The following DYNC2I1 variants were observed in gnomAD, a reference collection of about 807,000 sequenced individuals.
DYNC2I1 encodes the protein dynein 2 intermediate chain 1, also known as cytoplasmic dynein 2 intermediate chain 1.
DYNC2I1 carries 89 observed loss-of-function variants against 133.4 expected under a neutral mutation model. The ratio of observed to expected loss-of-function variants is 0.67; its 90% CI spans 0.56 to 0.80. DYNC2I1 has a LOEUF of 0.80. Ranked by LOEUF, DYNC2I1 falls within the 30% of genes least tolerant of loss-of-function variation. DYNC2I1 has a pLI of 0.00. For synonymous variants in DYNC2I1, 504 were observed against 484.3 expected, an observed-to-expected ratio of 1.04 and a Z score of -0.54; for missense variants, 1,291 against 1,314.5, an observed-to-expected ratio of 0.98 and a Z score of 0.28.
intron 1 of DYNC2I1, among the ~76,000 whole-genome samples, chr7:158,858,765 C>T (rs1401774506): frequency 1.3e-5 from 2 of 151,550 alleles, no homozygotes. Flanking sequence ...GTGTCTCCCT[C>T]TTTTTTGAAA....
At chr7:158,894,476 T>C (rs1362307651) in intron 8 of DYNC2I1, among the ~76,000 whole-genome samples, 1 of 152,238 alleles carries the variant, frequency 6.6e-6, no homozygotes, top group East Asian at 1.9e-4. Flanking sequence ...GCTTCTTTCA[T>C]TTAGTGATAT....
At chr7:158,914,620 T>G (rs1260665486) in intron 14 of DYNC2I1, among the ~76,000 whole-genome samples, 1 of 152,322 alleles carries the variant, frequency 6.6e-6, no homozygotes, top group South Asian at 2.1e-4. Flanking sequence ...AGACACGAAG[T>G]TGGCAAGGCA....
At chr7:158,870,321 G>A (rs953729335) in intron 2 of DYNC2I1, among the ~76,000 whole-genome samples, 25 of 152,126 alleles carry the variant, frequency 1.6e-4, no homozygotes, top group Middle Eastern at 6.8e-3. Context: ...TTTAACACAT[G>A]TAGTATTTTA....
intron 5 of DYNC2I1, among the ~76,000 whole-genome samples, chr7:158,884,174 A>C (rs1844363568): frequency 6.7e-6 from 1 of 149,914 alleles, no homozygotes; most frequent in Admixed American, 6.7e-5. Flanking sequence ...CCTCCCGAGT[A>C]GCTGGGACTA....
At position 158,905,140 on chromosome 7, in the gene DYNC2I1, C is replaced by CTTTTTTT. The variant is rs77389434; in HGVS notation, c.1358-837_1358-831dup. 1.8e-3 allele frequency: 600 copies of CTTTTTTT among 337,916 alleles called. 15 individuals carry two copies. The highest frequency in any genetic ancestry group is 3.0e-3 in the South Asian group (131 of 44,210). 20.9% of individuals were successfully genotyped at this position (337,916 alleles called of 1,614,324 possible). ...GTTGTTTGTTCTTGTCTTTCTTTTT[C>CTTTTTTT]TTTTTTTTTTTTTTTTTTGAGACAG... On this transcript the variant is annotated intron_variant, in intron 10 of 24. Coordinates refer to ENST00000407559, the MANE Select transcript of DYNC2I1 (RefSeq NM_018051.5).
intron 11 of DYNC2I1, among the ~76,000 whole-genome samples, chr7:158,910,700 CTG>C (rs1179135856): frequency 6.7e-6 from 1 of 149,248 alleles, no homozygotes; most frequent in Non-Finnish European, 1.5e-5. Context: ...TCACTATTTG[CTG>C]TGTCAGACCT....
chr7:158,916,005 A>G (rs1170256185), intron 14 of DYNC2I1, among the ~76,000 whole-genome samples: 3 of 108,144 alleles, frequency 2.8e-5, no homozygotes, highest in Non-Finnish European at 4.1e-5. Context: ...GCTGGTTGAC[A>G]TTAAGGATGA....
chr7:158,944,660 A>G (rs1014079797), intron 24 of DYNC2I1, among the ~76,000 whole-genome samples: 2 of 152,148 alleles, frequency 1.3e-5, no homozygotes, highest in African/African-American at 4.8e-5. Flanking sequence ...GCACTCAGGT[A>G]GCTGTCAGGT....
chr7:158,893,785 C>A (rs1442106785), intron 8 of DYNC2I1, among the ~76,000 whole-genome samples: 1 of 152,140 alleles, frequency 6.6e-6, no homozygotes, highest in Non-Finnish European at 1.5e-5. Flanking sequence ...TATCGTACCA[C>A]ATATTGTAAT....
At chr7:158,958,210 T>C (rs994707711), downstream of DYNC2I1, among the ~76,000 whole-genome samples, 1 of 151,928 alleles carries the variant, frequency 6.6e-6, no homozygotes, top group African/African-American at 2.4e-5. Context: ...TTGATTTTCG[T>C]TGGTGTTGCT....
chr7:158,953,110 TC>T (rs762743215), intron 4 of DYNC2I1, among the ~76,000 whole-genome samples: 1 of 152,144 alleles, frequency 6.6e-6, no homozygotes, highest in Non-Finnish European at 1.5e-5. Flanking sequence ...CTGTAGCTGT[TC>T]CTACCCTCCT....
chr7:158,859,321 C>G (rs1231765432), intron 1 of DYNC2I1, among the ~76,000 whole-genome samples: 1 of 152,054 alleles, frequency 6.6e-6, no homozygotes, highest in African/African-American at 2.4e-5. Context: ...CTTTTGTCTT[C>G]TAGCAGTGTG....
rs184280778 is a variant in DYNC2I1, at chr7:158,921,948, G to T, written c.1922-429G>T. ...GCAGTGTCTGGAACGGCGCTCAGCC[G>T]CTCGCAGCCTTTGAGGAGAGCAGTG... On this transcript the variant is annotated intron_variant, in intron 15 of 24. Coordinates refer to ENST00000407559, the MANE Select transcript of DYNC2I1 (RefSeq NM_018051.5). 3.3e-3 allele frequency among the ~76,000 whole-genome samples: 497 copies of T among 152,346 alleles called. 8 individuals are homozygous for T. Among genetic ancestry groups the T allele is most frequent in the Non-Finnish European group, 8.8e-4 (60 of 68,038 alleles).
chr7:158,950,453 C>T (rs1852022943), downstream of DYNC2I1, among the ~76,000 whole-genome samples: 1 of 142,776 alleles, frequency 7.0e-6, no homozygotes, highest in Non-Finnish European at 1.5e-5. Flanking sequence ...GCACGGGGAC[C>T]AGCCTCTATA....
Position 158,902,440 on chromosome 7 carries a change from CAAG to C in DYNC2I1, c.1204_1206del (p.Arg402del), listed in dbSNP as rs1328530127. ...GATGAAAGCAGTAATGAACCTGAGTCAAGAGAAAAACTGGAAGAACTTCCTCTA... is the reference window on the plus strand; with the variant it reads ...GATGAAAGCAGTAATGAACCTGAGTCAGAAAAACTGGAAGAACTTCCTCTA... On this transcript the variant is annotated inframe_deletion, in exon 10 of 25. Transcript: ENST00000407559. The C allele has an allele frequency of 6.2e-7, 1 of 1,613,644 alleles. No homozygotes were observed. The highest frequency in any genetic ancestry group is 2.2e-5 in the East Asian group (1 of 44,872).
intron 7 of DYNC2I1, 27 bp from the exon 8 acceptor site, chr7:158,891,238 C>T: frequency 1.2e-6 from 2 of 1,613,764 alleles, no homozygotes; most frequent in Non-Finnish European, 8.5e-7. Context: ...TGTGTCCTGG[C>T]TGATGGGGCT....
intron 1 of DYNC2I1, among the ~76,000 whole-genome samples, chr7:158,860,063 T>G (rs2129475857): frequency 1.3e-5 from 2 of 152,124 alleles, no homozygotes; most frequent in African/African-American, 4.8e-5. Context: ...AGAGTTTTTT[T>G]TTTTTTTTGG....
chr7:158,924,285 C>T (rs1849392945), intron 17 of DYNC2I1, among the ~76,000 whole-genome samples: 1 of 152,240 alleles, frequency 6.6e-6, no homozygotes, highest in African/African-American at 2.4e-5. Context: ...CAGGAAGATG[C>T]CGCGTTTATC....
At chr7:158,921,132 A>G (rs1398721742) in intron 15 of DYNC2I1, among the ~76,000 whole-genome samples, 1 of 152,200 alleles carries the variant, frequency 6.6e-6, no homozygotes, top group Non-Finnish European at 1.5e-5. Flanking sequence ...CACACAGTCT[A>G]TCAGAGAGGG....
Sources: gnomAD v4.1 joint callset for allele counts (sites outside exome capture counted in the v4.1 genomes callset) on GRCh38, gnomAD v4.1.1 for gene constraint, MANE v1.5 for transcripts, NCBI Gene and HGNC (gene_info 2026-07-23, HGNC 2026-07-21) for gene names.